The following VNN2 variants were observed in gnomAD, a reference collection of about 807,000 sequenced individuals.
VNN2 encodes vanin 2.
In VNN2, 43 loss-of-function variants were observed where a neutral mutation model predicts 43.0. That is an observed-to-expected ratio of 1.00 (90% CI 0.78 to 1.29). The LOEUF (loss-of-function observed/expected upper bound fraction) is 1.29. Among genes scored for constraint, VNN2 ranks in the 50% most tolerant of loss-of-function variants. The probability of loss-of-function intolerance (pLI) is 0.00; values close to 1 mark genes in which losing one functional copy is unlikely to be tolerated. For synonymous variants in VNN2, 230 were observed against 224.3 expected (o/e 1.03, Z -0.23); for missense variants, 652 against 619.7 (o/e 1.05, Z -0.55).
Position 132,755,891 on chromosome 6 carries a change from G to T in VNN2, c.489C>A (p.Thr163=), listed in dbSNP as rs755685677. Residue 163 remains threonine, a synonymous_variant, in exon 3 of 7, where the codon ACC becomes ACA. Coordinates refer to ENST00000326499, the MANE Select transcript of VNN2 (RefSeq NM_004665.6). ...TTCCTTCTGTATTATACACCACATT[G>T]GTATTGTATTGAAAGTAGCCATTAG... ...CPPNGYFQYN[T]NVVYNTEGKL... 6 of 1,613,762 alleles carry T rather than the reference G, an allele frequency of 3.7e-6. No individual in the cohort carries two copies. In the Admixed American group the frequency reaches 1.0e-4, roughly 27 times the overall value.
At chr6:132,752,053 A>T (rs1780141153) in intron 4 of VNN2, among the ~76,000 whole-genome samples, 1 of 152,152 alleles carries the variant, frequency 6.6e-6, no homozygotes, top group African/African-American at 2.4e-5. Flanking sequence ...CCTCTCATTA[A>T]TTGCTCTAGA....
chr6:132,759,426 G>A (rs1301044981), upstream of VNN2, among the ~76,000 whole-genome samples: 7 of 103,604 alleles, frequency 6.8e-5, no homozygotes, highest in South Asian at 3.3e-4. Flanking sequence ...GCGACAGAGC[G>A]AAACTCCGTC....
intron 6 of VNN2, among the ~76,000 whole-genome samples, chr6:132,744,819 A>G (rs945995125): frequency 2.6e-5 from 4 of 152,252 alleles, no homozygotes; most frequent in African/African-American, 9.6e-5. Flanking sequence ...TCAAGAAGCT[A>G]AAGAGCTAAT....
At position 132,744,428 on chromosome 6, in the gene VNN2, G is replaced by A. The variant is rs1779601306; in HGVS notation, c.1435C>T (p.Leu479Phe). 6.2e-7 allele frequency: 1 copy of A among 1,613,576 alleles called. No homozygotes were observed. ...GSSGPILTVS[L>F]FGRWYTKDSL... ...TCCTTTGTGTACCACCTCCCAAAGAGTGACACTGTTAGTATAGGCCCAGAT... is the reference window on the plus strand; with the variant it reads ...TCCTTTGTGTACCACCTCCCAAAGAATGACACTGTTAGTATAGGCCCAGAT... Residue 479 changes from leucine to phenylalanine, a missense_variant, in exon 7 of 7, where the codon CTC (leucine) becomes TTC (phenylalanine). Leu to Phe is a conservative substitution (Grantham distance 22). Transcript: ENST00000326499.
chr6:132,759,230 A>G (rs1205387913), upstream of VNN2, among the ~76,000 whole-genome samples: 1 of 152,040 alleles, frequency 6.6e-6, no homozygotes, highest in African/African-American at 2.4e-5. Flanking sequence ...TGAGGTCAGG[A>G]GTTCAAGACC....
At chr6:132,745,770 G>T (rs1184779342) in intron 6 of VNN2, among the ~76,000 whole-genome samples, 1 of 152,164 alleles carries the variant, frequency 6.6e-6, no homozygotes, top group Admixed American at 6.5e-5. Context: ...GTTTTCATAA[G>T]AGAGGAATAT....
intron 4 of VNN2, 91 bp from the exon 5 acceptor site, chr6:132,751,609 A>G: frequency 1.4e-6 from 2 of 1,464,114 alleles, no homozygotes; most frequent in East Asian, 4.6e-5. Flanking sequence ...GCATGTGATC[A>G]CGCCACCATA....
Position 132,755,972 on chromosome 6 carries a change from G to T in VNN2, c.408C>A (p.Val136=). The change falls in exon 3 of 7, where the codon GTC becomes GTA. Residue 136 remains valine (V), a synonymous_variant. Transcript: ENST00000326499. ...SCLAKDNSIY[V]LANLGDKKPC... is the part of the protein sequence containing the mutation. ...GCTTTTTGTCCCCCAAATTTGCCAA[G>T]ACATAGATAGAGTTGTCCTTGGCCA... 1 of 1,614,170 alleles carries T rather than the reference G, an allele frequency of 6.2e-7. No homozygotes were observed. Among genetic ancestry groups the T allele is most frequent in the East Asian group, 2.2e-5 (1 of 44,876 alleles).
At position 132,757,452 on chromosome 6, in the gene VNN2, G is replaced by C; in HGVS notation, c.308C>G (p.Pro103Arg). 1.9e-6 allele frequency: 3 copies of C among 1,613,514 alleles called. No homozygotes were observed. Among genetic ancestry groups the C allele is most frequent in the Non-Finnish European group, 1.7e-6 (2 of 1,179,866 alleles). ...VFPYLEDIPD[P>R]QVNWIPCQDP... ...TTGACACGGAATCCAGTTCACCTGA[G>C]GGTCTGGGATATCCTCCAGATAAGG... The change falls in exon 2 of 7, where the codon CCT becomes CGT. Residue 103 changes from proline (P) to arginine (R), a missense_variant. Physicochemically the swap from Pro to Arg is moderately radical, Grantham distance 103. Coordinates refer to ENST00000326499, the MANE Select transcript of VNN2 (RefSeq NM_004665.6).
upstream of VNN2, among the ~76,000 whole-genome samples, chr6:132,762,676 A>G (rs896397143): frequency 5.9e-5 from 9 of 152,180 alleles, no homozygotes; most frequent in African/African-American, 9.6e-5. Context: ...TGGGTGTTCA[A>G]TGCTTCAGAT....
chr6:132,762,181 G>A (rs1377505997), upstream of VNN2, among the ~76,000 whole-genome samples: 2 of 152,298 alleles, frequency 1.3e-5, no homozygotes, highest in East Asian at 1.9e-4. Context: ...GGTAGCAAAG[G>A]TGAAACAAGA....
chr6:132,744,570 C>T lies in VNN2; in HGVS notation c.1372-79G>A. 4 of 1,376,504 alleles carry T rather than the reference C, an allele frequency of 2.9e-6. No individual in the cohort carries two copies. The South Asian group carries it at 6.1e-5, about 21-fold the overall frequency. The allele number at this position is 1,376,504 out of a possible 1,614,324, so 85.3% of individuals were successfully genotyped here. On this transcript the variant is annotated intron_variant, in intron 6 of 6. Transcript: ENST00000326499. ...GCAAATTAATCATTTTGAAACCATC[C>T]TAGATATAATGTATAGTCAAATCAT...
upstream of VNN2, among the ~76,000 whole-genome samples, chr6:132,759,708 T>C (rs6940072): frequency 0.04 from 6,023 of 152,252 alleles, 365 homozygotes; most frequent in African/African-American, 0.13. Context: ...GGGCTATAAA[T>C]AAGATCTGCT....
At chr6:132,758,024 CTTCTTCTTCTTCTTCTT>C, upstream of VNN2, 2 of 70,894 alleles carry the variant, frequency 2.8e-5, no homozygotes, top group South Asian at 4.2e-4. Context: ...TCTTCTTCTT[CTTCTTCTTCTTCTTCTT>C]TTTTTTTTTT....
At chr6:132,751,011 T>C in intron 5 of VNN2, 134 bp downstream of exon 5, 1 of 935,766 alleles carries the variant, frequency 1.1e-6, no homozygotes, top group Non-Finnish European at 1.6e-6. Flanking sequence ...TGTGTGTGTG[T>C]TGTGTGTGTG....
At chr6:132,747,608 C>T (rs574339536) in intron 6 of VNN2, among the ~76,000 whole-genome samples, 18 of 152,038 alleles carry the variant, frequency 1.2e-4, no homozygotes, top group East Asian at 3.9e-4. Flanking sequence ...CACAGCGAGA[C>T]GCCATCTCAA....
At chr6:132,762,664 G>T (rs1353509646), upstream of VNN2, among the ~76,000 whole-genome samples, 1 of 152,152 alleles carries the variant, frequency 6.6e-6, no homozygotes, top group Non-Finnish European at 1.5e-5. Flanking sequence ...TTTAGAGTTG[G>T]ATGGGTGTTC....
chr6:132,755,354 T>C (rs1380764621), intron 3 of VNN2, among the ~76,000 whole-genome samples: 1 of 150,274 alleles, frequency 6.7e-6, no homozygotes, highest in Non-Finnish European at 1.5e-5. Context: ...TTACAACGTG[T>C]CATTTTCTTT....
intron 6 of VNN2, among the ~76,000 whole-genome samples, chr6:132,747,078 A>T (rs970520028): frequency 6.6e-6 from 1 of 152,166 alleles, no homozygotes; most frequent in African/African-American, 2.4e-5. Context: ...TGGAGCAGGT[A>T]AGACAAGATC....
Sources: gnomAD v4.1 joint callset for allele counts (sites outside exome capture counted in the v4.1 genomes callset) on GRCh38, gnomAD v4.1.1 for gene constraint, MANE v1.5 for transcripts, NCBI Gene and HGNC (gene_info 2026-07-23, HGNC 2026-07-21) for gene names.